The following ERC2 variants were observed in gnomAD, a reference collection of about 807,000 sequenced individuals.
ERC2 encodes the protein ELKS/RAB6-interacting/CAST family member 2.
ERC2 carries 42 observed loss-of-function variants against 114.8 expected under a neutral mutation model. The observed-to-expected ratio is 0.37, with a 90% CI of 0.29 to 0.47. ERC2 has a LOEUF of 0.47. Among genes scored for constraint, ERC2 ranks in the 20% least tolerant of loss-of-function variants. The pLI is 0.99. For missense variants in ERC2, 939 were observed against 1,150.7 expected (o/e 0.82, Z 2.66); for synonymous variants, 454 against 425.5 (o/e 1.07, Z -0.82).
chr3:56,324,824 A>G (rs1947348), intron 2 of ERC2, among the ~76,000 whole-genome samples: 47,834 of 151,744 alleles, frequency 0.32, 7,667 homozygotes, highest in Admixed American at 0.34. Context: ...CTTGGTTCCA[A>G]GCACTGCAGC....
intron 7 of ERC2, chr3:56,072,400 C>T (rs2076780173): frequency 6.6e-6 from 1 of 152,212 alleles, no homozygotes; most frequent in African/African-American, 2.4e-5. Context: ...CGGTGACATA[C>T]TGCTACCCTA....
At position 55,917,192 on chromosome 3, in the gene ERC2, A is replaced by G. The variant is rs78682341; in HGVS notation, c.2404-28643T>C. 3.9e-3 allele frequency among the ~76,000 whole-genome samples: 599 copies of G among 152,262 alleles called. 2 individuals are homozygous for G. Among genetic ancestry groups the G allele is most frequent in the African/African-American group, 0.014 (566 of 41,556 alleles). ...TTGAAATAAAATGCTTTTCAAACCCACTGGCTTCTAGTAAATCAGTTTGTA... is the reference window on the plus strand; with the variant it reads ...TTGAAATAAAATGCTTTTCAAACCCGCTGGCTTCTAGTAAATCAGTTTGTA... On this transcript the variant is annotated intron_variant, in intron 13 of 17. Coordinates refer to ENST00000288221, the MANE Select transcript of ERC2 (RefSeq NM_015576.3).
At chr3:56,011,753 C>G (rs944382359) in intron 8 of ERC2, among the ~76,000 whole-genome samples, 1 of 152,058 alleles carries the variant, frequency 6.6e-6, no homozygotes, top group African/African-American at 2.4e-5. Context: ...AATACTGGTG[C>G]AACAACTGTG....
chr3:56,309,594 T>C lies in ERC2; in HGVS notation c.658-13159A>G, dbSNP rs2056422332. 3.3e-5 allele frequency among the ~76,000 whole-genome samples: 5 copies of C among 152,224 alleles called. 1 individual carries two copies. The South Asian group carries it at 1.0e-3, about 32-fold the overall frequency. The stretch of plus-strand genomic sequence containing the variant: ...AGAGTTGAGTTTTGAATCCTGGATC[T>C]ACCCATGACAGCCTGTGATGCCTTG... On this transcript the variant is annotated intron_variant, in intron 2 of 17. Coordinates refer to ENST00000288221, the MANE Select transcript of ERC2 (RefSeq NM_015576.3).
chr3:56,435,566 A>T (rs940987251), intron 1 of ERC2, among the ~76,000 whole-genome samples: 2 of 152,200 alleles, frequency 1.3e-5, no homozygotes, highest in African/African-American at 4.8e-5. Flanking sequence ...GTGACTTGAA[A>T]GTGACTCTGA....
At chr3:55,931,616 A>T (rs1228796960) in intron 13 of ERC2, among the ~76,000 whole-genome samples, 1 of 152,092 alleles carries the variant, frequency 6.6e-6, no homozygotes, top group Admixed American at 6.6e-5. Context: ...GTGGGGGGCT[A>T]GGGGAGGGAT....
chr3:56,354,993 T>A (rs889634513), intron 2 of ERC2, among the ~76,000 whole-genome samples: 3 of 152,212 alleles, frequency 2.0e-5, no homozygotes, highest in African/African-American at 7.2e-5. Context: ...AATAGGGAGA[T>A]ACAGAAACAT....
intron 2 of ERC2, among the ~76,000 whole-genome samples, chr3:56,350,484 T>C (rs73832601): frequency 0.047 from 7,211 of 152,246 alleles, 281 homozygotes; most frequent in African/African-American, 0.098. Flanking sequence ...TGGTTGATTT[T>C]AAAGTTTACA....
At position 55,523,478 on chromosome 3, in the gene ERC2, G is replaced by A. The variant is rs528393907; in HGVS notation, c.*40-12202C>T. Among the ~76,000 whole-genome samples the A allele has an allele frequency of 7.2e-5, 11 of 152,268 alleles. No homozygotes were observed. In the South Asian group the frequency reaches 2.3e-3, roughly 32 times the overall value. Reference sequence around the variant, plus strand: ...GGCTACCTTCTGCTTATCCTTGGATGTCAGCTTCAATACCACTTCTTCAGG... The same window carrying A: ...GGCTACCTTCTGCTTATCCTTGGATATCAGCTTCAATACCACTTCTTCAGG... On this transcript the variant is annotated intron_variant, in intron 17 of 17. Transcript: ENST00000288221.
At chr3:56,019,738 C>T (rs1560033791) in intron 7 of ERC2, among the ~76,000 whole-genome samples, 1 of 152,330 alleles carries the variant, frequency 6.6e-6, no homozygotes, top group East Asian at 1.9e-4. Context: ...ATTACAATGC[C>T]TGTCCAGGAG....
chr3:56,393,200 C>A (rs1169009338), intron 2 of ERC2, among the ~76,000 whole-genome samples: 3 of 152,150 alleles, frequency 2.0e-5, no homozygotes, highest in Non-Finnish European at 4.4e-5. Flanking sequence ...GAGTTTGAGA[C>A]CTGCCTGGCC....
chr3:55,531,081 G>T (rs954741781), intron 17 of ERC2, among the ~76,000 whole-genome samples: 1 of 152,068 alleles, frequency 6.6e-6, no homozygotes, highest in Non-Finnish European at 1.5e-5. Context: ...TCCTTTGATG[G>T]TTAGATTTTT....
chr3:56,267,039 T>C (rs776628982), intron 3 of ERC2, among the ~76,000 whole-genome samples: 8 of 152,178 alleles, frequency 5.3e-5, no homozygotes, highest in Non-Finnish European at 1.2e-4. Context: ...TCCAAAATGC[T>C]TGGGACCAGA....
chr3:55,713,131 T>TCTCTCTCTCTCTCACA (rs1553638935), intron 15 of ERC2, among the ~76,000 whole-genome samples: 3 of 139,334 alleles, frequency 2.2e-5, no homozygotes, highest in Non-Finnish European at 3.1e-5. Flanking sequence ...TCTCTCTGTC[T>TCTCTCTCTCTCTCACA]CACACACACA....
chr3:55,648,020 T>C (rs530550954), intron 17 of ERC2, among the ~76,000 whole-genome samples: 10 of 150,880 alleles, frequency 6.6e-5, no homozygotes, highest in African/African-American at 2.4e-4. Context: ...CAGCGGGGGG[T>C]GGTGGTGGAA....
At chr3:56,366,841 T>A (rs1175393014) in intron 2 of ERC2, among the ~76,000 whole-genome samples, 1 of 152,234 alleles carries the variant, frequency 6.6e-6, no homozygotes, top group African/African-American at 2.4e-5. Flanking sequence ...TTTCTGTGAC[T>A]CACCAATAAA....
chr3:56,047,801 A>G (rs2075550854), intron 7 of ERC2, among the ~76,000 whole-genome samples: 1 of 152,106 alleles, frequency 6.6e-6, no homozygotes, highest in Non-Finnish European at 1.5e-5. Context: ...TGGTTCAGTA[A>G]TTGCTGGCAA....
intron 3 of ERC2, among the ~76,000 whole-genome samples, chr3:56,281,237 A>G (rs1014882801): frequency 1.3e-5 from 2 of 151,788 alleles, no homozygotes; most frequent in African/African-American, 4.8e-5. Flanking sequence ...GGAGATCGAG[A>G]CCATCCCGGC....
intron 5 of ERC2, among the ~76,000 whole-genome samples, chr3:56,140,467 T>C (rs1056275761): frequency 1.3e-5 from 2 of 152,328 alleles, no homozygotes; most frequent in Non-Finnish European, 2.9e-5. Flanking sequence ...CTCAATCTTA[T>C]GTCCTGAAGA....
Sources: gnomAD v4.1 joint callset for allele counts (sites outside exome capture counted in the v4.1 genomes callset) on GRCh38, gnomAD v4.1.1 for gene constraint, MANE v1.5 for transcripts, NCBI Gene and HGNC (gene_info 2026-07-23, HGNC 2026-07-21) for gene names.